The following FSTL4 variants were observed in gnomAD, a reference collection of about 807,000 sequenced individuals.
FSTL4 encodes the protein follistatin like 4, also known as follistatin-related protein 4.
A neutral mutation model predicts 78.2 loss-of-function variants in FSTL4; 28 were observed. The ratio of observed to expected loss-of-function variants is 0.36; its 90% CI spans 0.27 to 0.49. The LOEUF (loss-of-function observed/expected upper bound fraction) is 0.49. Ranked by LOEUF, FSTL4 falls within the 20% of genes least tolerant of loss-of-function variation. FSTL4 has a pLI of 0.98. For missense variants in FSTL4, 922 were observed against 1,084.9 expected, an observed-to-expected ratio of 0.85 and a Z score of 2.11; for synonymous variants, 422 against 440.5, an observed-to-expected ratio of 0.96 and a Z score of 0.53.
intron 3 of FSTL4, among the ~76,000 whole-genome samples, chr5:133,418,233 A>T (rs908451041): frequency 1.3e-5 from 2 of 151,952 alleles, no homozygotes; most frequent in African/African-American, 4.8e-5. Context: ...AAAAAGATGG[A>T]TATTATAAAT....
chr5:133,657,765 TG>T, the FSTL4 span, among the ~76,000 whole-genome samples: 268 of 114,704 alleles, frequency 2.3e-3, no homozygotes, highest in African/African-American at 5.7e-3. Context: ...TACTGTTTTT[TG>T]TTTTTTTTGT....
the FSTL4 span, among the ~76,000 whole-genome samples, chr5:133,618,398 A>G: frequency 6.6e-6 from 1 of 152,198 alleles, no homozygotes; most frequent in Non-Finnish European, 1.5e-5. Context: ...GAGGGTGAGC[A>G]AGGATCTATA....
intron 4 of FSTL4, among the ~76,000 whole-genome samples, chr5:133,321,006 C>CAAAAAAAA (rs3976680): frequency 1.1e-5 from 1 of 90,438 alleles, no homozygotes; most frequent in African/African-American, 4.5e-5. Context: ...GACTCCGTCT[C>CAAAAAAAA]AAAAAAAAAA....
chr5:133,259,518 CTTTT>C (rs3976227), intron 6 of FSTL4, among the ~76,000 whole-genome samples: 8 of 126,382 alleles, frequency 6.3e-5, no homozygotes, highest in Admixed American at 3.2e-4. Flanking sequence ...ATTTTTTTTT[CTTTT>C]TTTTTTTTTT....
chr5:133,316,412 A>C (rs1336296161), intron 5 of FSTL4, 47 bp downstream of exon 5: 1 of 1,500,326 alleles, frequency 6.7e-7, no homozygotes, highest in Non-Finnish European at 9.2e-7. Context: ...GGGAAATGGA[A>C]AACTGGATTC....
At chr5:133,646,354 T>C in the FSTL4 span, among the ~76,000 whole-genome samples, 1 of 152,130 alleles carries the variant, frequency 6.6e-6, no homozygotes, top group African/African-American at 2.4e-5. Context: ...CTCAAAGAAG[T>C]CTAGTATAGT....
At chr5:133,258,557 A>G (rs1240785183) in intron 6 of FSTL4, among the ~76,000 whole-genome samples, 1 of 152,200 alleles carries the variant, frequency 6.6e-6, no homozygotes, top group African/African-American at 2.4e-5. Flanking sequence ...TAGAAGACAT[A>G]TACATCTTCT....
intron 3 of FSTL4, among the ~76,000 whole-genome samples, chr5:133,503,653 C>T (rs891792699): frequency 1.3e-5 from 2 of 152,230 alleles, no homozygotes; most frequent in African/African-American, 4.8e-5. Flanking sequence ...CCACTTATGG[C>T]TTCTTTTGCC....
intron 2 of FSTL4, among the ~76,000 whole-genome samples, chr5:133,573,743 A>G (rs1174429509): frequency 6.6e-6 from 1 of 152,238 alleles, no homozygotes; most frequent in Non-Finnish European, 1.5e-5. Context: ...ATTGACAGAC[A>G]TCAAACACTG....
intron 3 of FSTL4, among the ~76,000 whole-genome samples, chr5:133,447,547 TC>T (rs1288510354): frequency 6.6e-6 from 1 of 151,982 alleles, no homozygotes; most frequent in East Asian, 1.9e-4. Context: ...CTTTTTCTTC[TC>T]TTTTTTTTTG....
chr5:133,662,875 T>A, the FSTL4 span, among the ~76,000 whole-genome samples: 1 of 152,198 alleles, frequency 6.6e-6, no homozygotes, highest in Non-Finnish European at 1.5e-5. Flanking sequence ...GGAGAGGCTT[T>A]GTCACATTGC....
intron 6 of FSTL4, among the ~76,000 whole-genome samples, chr5:133,264,110 T>C (rs1752593376): frequency 6.6e-6 from 1 of 152,154 alleles, no homozygotes; most frequent in Admixed American, 6.5e-5. Context: ...TACTGGCATC[T>C]GGTGGACGCA....
At chr5:133,718,071 T>A in the FSTL4 span, among the ~76,000 whole-genome samples, 1 of 146,434 alleles carries the variant, frequency 6.8e-6, no homozygotes, top group African/African-American at 2.8e-5. Flanking sequence ...ATATTTAGTT[T>A]GTTTGTTTGT....
At chr5:133,480,729 T>C (rs776449931) in intron 3 of FSTL4, among the ~76,000 whole-genome samples, 20 of 152,128 alleles carry the variant, frequency 1.3e-4, no homozygotes, top group Non-Finnish European at 1.8e-4. Context: ...ATCTAACATC[T>C]AGACCTTAAA....
At chr5:133,582,557 C>G (rs148318941) in intron 2 of FSTL4, among the ~76,000 whole-genome samples, 4 of 152,238 alleles carry the variant, frequency 2.6e-5, no homozygotes, top group Non-Finnish European at 5.9e-5. Flanking sequence ...GGGGAGGGGT[C>G]CACTAGTTCT....
chr5:133,664,516 A>G, the FSTL4 span, among the ~76,000 whole-genome samples: 1 of 152,174 alleles, frequency 6.6e-6, no homozygotes, highest in African/African-American at 2.4e-5. Flanking sequence ...CCTGACTCCA[A>G]ATGAATGATA....
At chr5:133,532,164 C>T (rs916308248) in intron 3 of FSTL4, among the ~76,000 whole-genome samples, 1 of 152,274 alleles carries the variant, frequency 6.6e-6, no homozygotes, top group Admixed American at 6.5e-5. Flanking sequence ...GACAAGTAGA[C>T]GTCAGAGTGA....
intron 3 of FSTL4, among the ~76,000 whole-genome samples, chr5:133,523,031 G>C (rs1397494710): frequency 1.4e-5 from 2 of 141,382 alleles, no homozygotes; most frequent in African/African-American, 5.2e-5. Flanking sequence ...CCTAACCCCA[G>C]TGTTACTATA....
At chr5:133,752,013 C>T in the FSTL4 span, among the ~76,000 whole-genome samples, 2 of 152,210 alleles carry the variant, frequency 1.3e-5, no homozygotes, top group East Asian at 1.9e-4. Flanking sequence ...GCTGCCAGAA[C>T]GCTGGCAGGA....
Sources: gnomAD v4.1 joint callset for allele counts (sites outside exome capture counted in the v4.1 genomes callset) on GRCh38, gnomAD v4.1.1 for gene constraint, MANE v1.5 for transcripts, NCBI Gene and HGNC (gene_info 2026-07-23, HGNC 2026-07-21) for gene names.